Variants in WDR27 observed in about 807,000 individuals in gnomAD.
The protein encoded by WDR27 is WD repeat-containing protein 27.
In WDR27, 100 loss-of-function variants were observed where a neutral mutation model predicts 114.4. That is an observed-to-expected ratio of 0.87 (90% CI 0.74 to 1.03). WDR27 has a LOEUF of 1.03. Ranked by LOEUF, WDR27 falls within the 50% of genes least tolerant of loss-of-function variation. The pLI, the probability that WDR27 is intolerant of heterozygous loss-of-function variation, is 0.00. For synonymous variants in WDR27, 449 were observed against 423.1 expected (o/e 1.06, Z -0.75); for missense variants, 1,129 against 1,092.9 (o/e 1.03, Z -0.47).
intron 4 of WDR27, 117 bp downstream of exon 4, chr6:169,670,452 T>C (rs530332080): frequency 3.4e-6 from 4 of 1,169,650 alleles, no homozygotes; most frequent in African/African-American, 3.1e-5. Flanking sequence ...ATTGAAGATA[T>C]AGCTTAAAAA....
At chr6:169,518,403 C>T (rs1793947060) in intron 25 of WDR27, among the ~76,000 whole-genome samples, 1 of 152,266 alleles carries the variant, frequency 6.6e-6, no homozygotes, top group South Asian at 2.1e-4. Context: ...AAGCCTCCTT[C>T]ACTCTTGCAC....
rs200804305 is a variant in WDR27 at position 169,670,635 on chromosome 6, C to A, written c.390G>T (p.Gln130His). The A allele has an allele frequency of 3.5e-5, 57 of 1,614,008 alleles. No homozygotes were observed. In the African/African-American group the frequency reaches 6.1e-4, roughly 17 times the overall value. ...GSLLGKVLCL[Q>H]LSLDDHVVAV... ...CAACAACATGATCATCCAGGCTCAA[C>A]TGTAAACACAGCACCTTTCCCAAAA... Residue 130 changes from glutamine to histidine, a missense_variant, in exon 4 of 26, where the codon CAG (glutamine) becomes CAT (histidine). Physicochemically the swap from Gln to His is conservative, Grantham distance 24. Transcript: ENST00000448612.
rs1226353515 is a variant in WDR27, at chr6:169,457,383, A to T, written c.*209T>A. ...CATTTCCATTTTCCCAATGAAGGGG[A>T]TCCCTTTTGAGGAGCAGAAAGACAT... On this transcript the variant is annotated 3_prime_UTR_variant, in exon 26 of 26. Transcript: ENST00000448612. The T allele has an allele frequency of 1.2e-5, 5 of 432,262 alleles. No individual in the cohort carries two copies. Among genetic ancestry groups the T allele is most frequent in the East Asian group, 7.2e-5 (2 of 27,862 alleles). 26.8% of individuals were successfully genotyped at this position (432,262 alleles called of 1,614,324 possible).
chr6:169,599,994 T>C (rs559703403), intron 23 of WDR27, among the ~76,000 whole-genome samples: 61 of 152,322 alleles, frequency 4.0e-4, no homozygotes, highest in African/African-American at 1.4e-3. Context: ...AGAACATCTT[T>C]ATTTCTGCCT....
chr6:169,439,222 T>C, the WDR27 span, among the ~76,000 whole-genome samples: 1 of 152,210 alleles, frequency 6.6e-6, no homozygotes, highest in Non-Finnish European at 1.5e-5. Context: ...ATTATTGATG[T>C]GAATGCTTTA....
chr6:169,603,308 A>G (rs2128172209), intron 22 of WDR27, among the ~76,000 whole-genome samples: 1 of 152,326 alleles, frequency 6.6e-6, no homozygotes, highest in South Asian at 2.1e-4. Context: ...AGAAAAGATT[A>G]AATCTTTATA....
At chr6:169,556,773 A>T (rs1798956598) in intron 25 of WDR27, among the ~76,000 whole-genome samples, 1 of 152,264 alleles carries the variant, frequency 6.6e-6, no homozygotes, top group Non-Finnish European at 1.5e-5. Context: ...TTTAGAAAAG[A>T]ACCCAATTAA....
the WDR27 span, among the ~76,000 whole-genome samples, chr6:169,436,980 T>C: frequency 6.6e-6 from 1 of 152,150 alleles, no homozygotes; most frequent in African/African-American, 2.4e-5. Flanking sequence ...TACTAAACAT[T>C]AAGACTTCTA....
In WDR27 at chr6:169,633,016, G is replaced by A. The variant is rs1237769865; in HGVS notation, c.2154C>T (p.Asn718=). The change falls in exon 21 of 26, where the codon AAC becomes AAT. Residue 718 remains asparagine, a synonymous_variant. Transcript: ENST00000448612. ...RNRTVEVFDL[N]AGCSAAVIAE... is the part of the protein sequence containing the mutation. ...CTATCACCGCTGCACTGCAGCCGGC[G>A]TTGAGGTCAAACACTTCCACGGTCC... The A allele has an allele frequency of 1.2e-5, 19 of 1,598,442 alleles. No homozygotes were observed. Among genetic ancestry groups the A allele is most frequent in the Middle Eastern group, 1.7e-4 (1 of 5,776 alleles).
the WDR27 span, among the ~76,000 whole-genome samples, chr6:169,445,695 C>T: frequency 6.6e-6 from 1 of 152,268 alleles, no homozygotes; most frequent in East Asian, 1.9e-4. Flanking sequence ...GAGAGCTCCT[C>T]TGGGCCCGCC....
intron 25 of WDR27, among the ~76,000 whole-genome samples, chr6:169,551,580 C>CA (rs1798104712): frequency 6.6e-6 from 1 of 151,604 alleles, no homozygotes; most frequent in African/African-American, 2.4e-5. Context: ...ACTAAAAATA[C>CA]AAAAAAATTA....
rs117599273 is a variant in WDR27, at chr6:169,468,363, T to C, written c.2646-10729A>G. ...AAGAGGTTTACCTGACTCACAGTTC[T>C]GCAGTGCTGGGGAGGCCTCAGGAAA... On this transcript the variant is annotated intron_variant, in intron 25 of 25. Coordinates refer to ENST00000448612, the MANE Select transcript of WDR27 (RefSeq NM_182552.5). Among the ~76,000 whole-genome samples the C allele has an allele frequency of 1.3e-3, 203 of 152,362 alleles. 3 individuals are homozygous for C. In the East Asian group the frequency reaches 0.032, roughly 24 times the overall value.
chr6:169,671,542 T>G (rs529798914), intron 3 of WDR27: 7 of 152,406 alleles, frequency 4.6e-5, no homozygotes, highest in African/African-American at 1.7e-4. Context: ...CTCAAATTCC[T>G]TAACGTGGTC....
At chr6:169,427,983 G>C in the WDR27 span, among the ~76,000 whole-genome samples, 1 of 152,268 alleles carries the variant, frequency 6.6e-6, no homozygotes, top group African/African-American at 2.4e-5. Context: ...CGAGGCCCCA[G>C]AGGGGTCCCG....
intron 21 of WDR27, among the ~76,000 whole-genome samples, chr6:169,629,482 A>C (rs1268743065): frequency 6.6e-6 from 1 of 152,220 alleles, no homozygotes; most frequent in Non-Finnish European, 1.5e-5. Flanking sequence ...ACCAAAAATA[A>C]ATTATAATTG....
At chr6:169,668,304 C>T in intron 4 of WDR27, 119 bp from the exon 5 acceptor site, 2 of 1,000,428 alleles carry the variant, frequency 2.0e-6, no homozygotes, top group Non-Finnish European at 3.0e-6. Flanking sequence ...GGCACAGTCT[C>T]AGCAGTGTTA....
intron 23 of WDR27, among the ~76,000 whole-genome samples, chr6:169,598,696 A>C (rs1398767805): frequency 6.6e-6 from 1 of 152,144 alleles, no homozygotes; most frequent in Non-Finnish European, 1.5e-5. Flanking sequence ...GCCACACACC[A>C]AGGAACCCCA....
At chr6:169,599,442 G>A (rs1434377738) in intron 23 of WDR27, among the ~76,000 whole-genome samples, 1 of 152,110 alleles carries the variant, frequency 6.6e-6, no homozygotes, top group Non-Finnish European at 1.5e-5. Flanking sequence ...TTCAGAGCCT[G>A]TTATTGGTCT....
intron 25 of WDR27, among the ~76,000 whole-genome samples, chr6:169,548,910 C>T (rs1797769737): frequency 6.6e-6 from 1 of 152,178 alleles, no homozygotes; most frequent in Non-Finnish European, 1.5e-5. Context: ...TAACTCATAA[C>T]TGATCACAAA....
Sources: allele counts gnomAD v4.1 joint callset (sites outside exome capture counted in the v4.1 genomes callset), GRCh38; gene constraint gnomAD v4.1.1; transcripts MANE v1.5; gene names NCBI Gene and HGNC (gene_info 2026-07-23, HGNC 2026-07-21).